Variants in DPP10 observed in about 807,000 individuals in gnomAD.
DPP10 encodes inactive dipeptidyl peptidase 10.
DPP10 carries 33 observed loss-of-function variants against 120.9 expected under a neutral mutation model. That is an observed-to-expected ratio of 0.27 (90% CI 0.21 to 0.37). DPP10 has a LOEUF of 0.37. Among genes scored for constraint, DPP10 ranks in the 10% least tolerant of loss-of-function variants. DPP10 has a pLI of 1.00. For synonymous variants in DPP10, 337 were observed against 326.1 expected, an observed-to-expected ratio of 1.03 and a Z score of -0.36; for missense variants, 816 against 942.8, an observed-to-expected ratio of 0.87 and a Z score of 1.76.
intron 1 of DPP10, among the ~76,000 whole-genome samples, chr2:115,039,651 A>G (rs1704487280): frequency 6.6e-6 from 1 of 152,168 alleles, no homozygotes; most frequent in African/African-American, 2.4e-5. Context: ...TTAATCTTTT[A>G]TAAGCATGAA....
intron 1 of DPP10, among the ~76,000 whole-genome samples, chr2:114,692,216 A>T (rs1699799663): frequency 1.3e-5 from 2 of 152,006 alleles, no homozygotes; most frequent in African/African-American, 4.8e-5. Flanking sequence ...TGATGTGGGC[A>T]TTTAGTGCTA....
intron 3 of DPP10, among the ~76,000 whole-genome samples, chr2:115,492,124 A>G (rs2105353550): frequency 6.6e-6 from 1 of 152,314 alleles, no homozygotes. Context: ...TCAAAAACTT[A>G]GAGGAAACAA....
intron 1 of DPP10, among the ~76,000 whole-genome samples, chr2:115,232,652 A>C (rs1299147550): frequency 2.0e-5 from 3 of 152,234 alleles, no homozygotes; most frequent in Non-Finnish European, 4.4e-5. Context: ...CATTATCCTC[A>C]CACAAGGCAA....
intron 3 of DPP10, among the ~76,000 whole-genome samples, chr2:115,347,425 G>A (rs573988755): frequency 2.0e-5 from 3 of 152,188 alleles, no homozygotes; most frequent in African/African-American, 7.2e-5. Context: ...GAAAAGCAGA[G>A]GAAGGTTAAA....
intron 11 of DPP10, among the ~76,000 whole-genome samples, chr2:115,754,440 GT>G (rs1413129890): frequency 1.3e-5 from 2 of 152,268 alleles, no homozygotes; most frequent in East Asian, 3.9e-4. Context: ...AGACGTTAGA[GT>G]TCTGAACAAC....
chr2:115,348,150 G>A (rs890292080), intron 3 of DPP10, among the ~76,000 whole-genome samples: 5 of 151,982 alleles, frequency 3.3e-5, no homozygotes, highest in African/African-American at 7.3e-5. Flanking sequence ...TCAGTTCAAC[G>A]TACTCAGCAT....
chr2:115,601,602 T>G (rs2083323940), intron 5 of DPP10, among the ~76,000 whole-genome samples: 1 of 152,184 alleles, frequency 6.6e-6, no homozygotes, highest in Admixed American at 6.5e-5. Context: ...AAAAAAATAT[T>G]ACTTGGGTTA....
chr2:114,535,584 G>T (rs1237785884), intron 1 of DPP10, among the ~76,000 whole-genome samples: 1 of 152,088 alleles, frequency 6.6e-6, no homozygotes, highest in Non-Finnish European at 1.5e-5. Flanking sequence ...CCACACTTAT[G>T]CTACGAGCCC....
chr2:115,739,598 A>G (rs1368140382), intron 8 of DPP10, 141 bp from the exon 9 acceptor site: 7 of 874,404 alleles, frequency 8.0e-6, no homozygotes, highest in South Asian at 3.7e-5. Context: ...TCAGAATTAG[A>G]GAATTTTCAG....
intron 3 of DPP10, among the ~76,000 whole-genome samples, chr2:115,372,431 G>C (rs2065477188): frequency 1.3e-5 from 2 of 151,996 alleles, no homozygotes; most frequent in Non-Finnish European, 2.9e-5. Flanking sequence ...AGGTTTCATA[G>C]AATCTATTTG....
At chr2:115,182,038 T>C (rs1382830694) in intron 1 of DPP10, among the ~76,000 whole-genome samples, 2 of 152,106 alleles carry the variant, frequency 1.3e-5, no homozygotes, top group Non-Finnish European at 2.9e-5. Flanking sequence ...AAGATAAGAA[T>C]TTACATTTTC....
chr2:115,651,712 G>T (rs1162626919), intron 5 of DPP10, among the ~76,000 whole-genome samples: 1 of 152,012 alleles, frequency 6.6e-6, no homozygotes, highest in East Asian at 1.9e-4. Context: ...AAAAGGAAAA[G>T]ATGGTGCTTT....
At chr2:115,343,081 G>T (rs797014104) in intron 2 of DPP10, among the ~76,000 whole-genome samples, 3 of 152,298 alleles carry the variant, frequency 2.0e-5, no homozygotes, top group African/African-American at 7.2e-5. Flanking sequence ...CAAAGAAAAT[G>T]CAATATTCCT....
intron 1 of DPP10, among the ~76,000 whole-genome samples, chr2:114,561,651 GT>G (rs568205363): frequency 1.4e-3 from 205 of 146,274 alleles, no homozygotes; most frequent in Middle Eastern, 7.0e-3. Context: ...TTGGGAGACA[GT>G]TTTTTTTTTT....
At chr2:115,310,115 A>T (rs185508667) in intron 2 of DPP10, among the ~76,000 whole-genome samples, 1 of 151,976 alleles carries the variant, frequency 6.6e-6, no homozygotes, top group Admixed American at 6.6e-5. Flanking sequence ...CACCCACCCA[A>T]CTGTTTTTCT....
intron 1 of DPP10, among the ~76,000 whole-genome samples, chr2:114,973,409 C>G (rs1699524284): frequency 6.6e-6 from 1 of 151,538 alleles, no homozygotes; most frequent in South Asian, 2.1e-4. Context: ...CGCCTGTGAT[C>G]CCAGCACTTT....
chr2:114,848,767 G>T (rs147709822), intron 1 of DPP10, among the ~76,000 whole-genome samples: 1,610 of 152,306 alleles, frequency 0.011, 30 homozygotes, highest in African/African-American at 0.036. Context: ...GAAAGCTTTT[G>T]CAGCAAAAGT....
chr2:115,638,298 G>A (rs941399874), intron 5 of DPP10, among the ~76,000 whole-genome samples: 1 of 152,178 alleles, frequency 6.6e-6, no homozygotes, highest in Non-Finnish European at 1.5e-5. Flanking sequence ...TAATTCTCTA[G>A]TATTATATGT....
At chr2:115,714,549 G>T (rs75962465) in intron 7 of DPP10, among the ~76,000 whole-genome samples, 2,987 of 152,144 alleles carry the variant, frequency 0.02, 88 homozygotes, top group African/African-American at 0.067. Flanking sequence ...CATCTCTCTT[G>T]TTCTCCAATA....
Sources: allele counts gnomAD v4.1 joint callset (sites outside exome capture counted in the v4.1 genomes callset), GRCh38; gene constraint gnomAD v4.1.1; transcripts MANE v1.5; gene names NCBI Gene and HGNC (gene_info 2026-07-23, HGNC 2026-07-21).